Variants in STOX2 observed in about 807,000 individuals in gnomAD.
The protein encoded by STOX2 is storkhead-box protein 2.
In STOX2, 28 loss-of-function variants were observed where a neutral mutation model predicts 60.9. The ratio of observed to expected loss-of-function variants is 0.46; its 90% CI spans 0.34 to 0.63. STOX2 has a LOEUF of 0.63. Among genes scored for constraint, STOX2 ranks in the 30% least tolerant of loss-of-function variants. The pLI is 0.01. For synonymous variants in STOX2, 472 were observed against 463.9 expected (o/e 1.02, Z -0.22); for missense variants, 1,024 against 1,187.7 (o/e 0.86, Z 2.03).
Position 183,858,506 on chromosome 4 carries a change from T to C in STOX2, c.364+60451T>C, listed in dbSNP as rs78614425. Among the ~76,000 whole-genome samples, 1,088 of 152,290 alleles carry C rather than the reference T, an allele frequency of 7.1e-3. 11 individuals are homozygous for C. The highest frequency in any genetic ancestry group is 0.025 in the African/African-American group (1,037 of 41,554). ...TCGTGCACTGTTTCGTATTTATAGA[T>C]GGGGTATTTACTTCCTCAGAGATTT... On this transcript the variant is annotated intron_variant, in intron 1 of 2. Coordinates refer to the STOX2 transcript ENST00000513034.
At chr4:183,832,498 T>C (rs1739593853) in intron 1 of STOX2, among the ~76,000 whole-genome samples, 1 of 146,138 alleles carries the variant, frequency 6.8e-6, no homozygotes, top group East Asian at 2.0e-4. Context: ...TTTTTTTTTT[T>C]TTTTTTTTTT....
chr4:183,915,910 G>A (rs1027713718), intron 1 of STOX2, among the ~76,000 whole-genome samples: 1 of 152,260 alleles, frequency 6.6e-6, no homozygotes, highest in Non-Finnish European at 1.5e-5. Context: ...CCACTGTGCG[G>A]TGCTAGTTCC....
rs60007623 is a variant in STOX2, at chr4:183,926,709, C to T, written c.166+19753C>T. Among the ~76,000 whole-genome samples, 1,133 of 152,188 alleles carry T rather than the reference C, an allele frequency of 7.4e-3. 11 individuals are homozygous for T. Among genetic ancestry groups the T allele is most frequent in the African/African-American group, 0.026 (1,071 of 41,510 alleles). ...CACAATATTGGCTCACTGAAACCTC[C>T]ACCTCCCGGGTTCAAGCAGTTCTCC... On this transcript the variant is annotated intron_variant, in intron 1 of 3. Coordinates refer to ENST00000308497, the MANE Select transcript of STOX2 (RefSeq NM_020225.3).
In STOX2 at chr4:183,908,592, G is replaced by GTTTTTTT. The variant is rs10671305; in HGVS notation, c.166+1650_166+1656dup. 2.3e-4 allele frequency among the ~76,000 whole-genome samples: 29 copies of GTTTTTTT among 126,676 alleles called. 1 individual carries two copies. In the South Asian group the frequency reaches 5.6e-3, roughly 25 times the overall value. The allele number at this position is 126,676 out of a possible 152,430, so 83.1% of individuals were successfully genotyped here. On this transcript the variant is annotated intron_variant, in intron 1 of 3. Transcript: ENST00000308497. ...ATTCAGGCACATTTCCAGGCAGCCA[G>GTTTTTTT]TTTTTTTTTTTTTTTTTTTTAATCT... is the stretch of plus-strand genomic sequence containing the variant.
At chr4:183,996,162 T>C (rs984930206) in intron 1 of STOX2, among the ~76,000 whole-genome samples, 3 of 152,278 alleles carry the variant, frequency 2.0e-5, no homozygotes, top group African/African-American at 4.8e-5. Context: ...TGGTTTTATC[T>C]GAAATAGCCT....
chr4:183,933,598 G>A (rs913007121), intron 1 of STOX2, among the ~76,000 whole-genome samples: 2 of 151,982 alleles, frequency 1.3e-5, no homozygotes, highest in African/African-American at 2.4e-5. Context: ...CATGTTGGCC[G>A]GGCTGGCCTC....
intron 1 of STOX2, among the ~76,000 whole-genome samples, chr4:183,818,421 C>G (rs1214600709): frequency 6.6e-6 from 1 of 152,326 alleles, no homozygotes. Flanking sequence ...GAGGTAAGGT[C>G]ACAGATCAAC....
intron 1 of STOX2, among the ~76,000 whole-genome samples, chr4:183,977,442 A>G (rs957755679): frequency 6.6e-6 from 1 of 152,086 alleles, no homozygotes; most frequent in African/African-American, 2.4e-5. Flanking sequence ...TTGCCTTACT[A>G]GTAATTTCAC....
chr4:183,856,456 C>T lies in STOX2; in HGVS notation c.364+58401C>T, dbSNP rs1013081088. The stretch of plus-strand genomic sequence containing the variant: ...TGTGATTCAACTTACTTGCTAACCT[C>T]GTATTTGACAGGTGAGGGTATTAAT... On this transcript the variant is annotated intron_variant, in intron 1 of 2. Transcript: ENST00000513034. The surrounding 1 kb of genome is among the most constrained non-coding windows in gnomAD (Gnocchi z 4.0). Among the ~76,000 whole-genome samples, 8 of 152,200 alleles carry T rather than the reference C, an allele frequency of 5.3e-5. No individual in the cohort carries two copies. The highest frequency in any genetic ancestry group is 1.4e-4 in the African/African-American group (6 of 41,448).
At chr4:183,886,414 G>A (rs979148293) in intron 1 of STOX2, among the ~76,000 whole-genome samples, 1 of 152,196 alleles carries the variant, frequency 6.6e-6, no homozygotes, top group Non-Finnish European at 1.5e-5. Flanking sequence ...TTTGACAATC[G>A]AATGTTTCTA....
chr4:183,940,910 C>T (rs986530925), intron 1 of STOX2, among the ~76,000 whole-genome samples: 3 of 152,096 alleles, frequency 2.0e-5, no homozygotes, highest in South Asian at 2.1e-4. Context: ...TTGATGAATA[C>T]CGTGTCAAAT....
intron 1 of STOX2, among the ~76,000 whole-genome samples, chr4:183,979,024 G>C (rs1396726717): frequency 1.3e-5 from 2 of 152,148 alleles, no homozygotes; most frequent in Admixed American, 6.5e-5. Flanking sequence ...TTATTATTCT[G>C]TTCTCACATT....
At chr4:183,807,632 C>A (rs1222752601) in intron 1 of STOX2, among the ~76,000 whole-genome samples, 1 of 152,206 alleles carries the variant, frequency 6.6e-6, no homozygotes, top group African/African-American at 2.4e-5. Flanking sequence ...CCACTCCCAG[C>A]TCAGCTTCTT....
intron 1 of STOX2, among the ~76,000 whole-genome samples, chr4:183,818,529 C>G (rs1417855758): frequency 1.3e-5 from 2 of 152,250 alleles, no homozygotes; most frequent in Non-Finnish European, 2.9e-5. Context: ...TCTGATTTCT[C>G]TATCTTTTCC....
chr4:183,954,536 C>T (rs1350619125), intron 1 of STOX2, among the ~76,000 whole-genome samples: 1 of 152,076 alleles, frequency 6.6e-6, no homozygotes, highest in Non-Finnish European at 1.5e-5. Flanking sequence ...GATCCACCCT[C>T]CTCGGCCTCC....
chr4:183,884,044 T>A (rs1158744050), intron 1 of STOX2, among the ~76,000 whole-genome samples: 1 of 151,840 alleles, frequency 6.6e-6, no homozygotes, highest in Non-Finnish European at 1.5e-5. Flanking sequence ...AGTAGAGATG[T>A]GGTTTCACCA....
chr4:183,834,049 C>G (rs1739643175), intron 1 of STOX2, among the ~76,000 whole-genome samples: 1 of 151,416 alleles, frequency 6.6e-6, no homozygotes, highest in South Asian at 2.1e-4. Flanking sequence ...GTGTATTTCT[C>G]CTCCTTAGAG....
At chr4:183,915,768 C>T (rs976829999) in intron 1 of STOX2, among the ~76,000 whole-genome samples, 2 of 152,198 alleles carry the variant, frequency 1.3e-5, no homozygotes, top group Admixed American at 6.5e-5. Context: ...CAGCCACCAC[C>T]GGAGGCCGGG....
rs548638319 is a variant in STOX2 at position 183,837,570 on chromosome 4, T to G, written c.364+39515T>G. ...GCCTCTCGGGTTCAAGTAATTTTCC[T>G]GCCTCAGCCTCCCACGTAGCTGGGA... On this transcript the variant is annotated intron_variant, in intron 1 of 2. Transcript: ENST00000513034. 2.6e-5 allele frequency among the ~76,000 whole-genome samples: 4 copies of G among 152,198 alleles called. No homozygotes were observed. In the East Asian group the frequency reaches 7.7e-4, roughly 29 times the overall value.
Sources: gnomAD v4.1 joint callset for allele counts (sites outside exome capture counted in the v4.1 genomes callset) on GRCh38, gnomAD v4.1.1 for gene constraint, Gnocchi (gnomAD v3.1) non-coding constraint, MANE v1.5 for transcripts, NCBI Gene and HGNC (gene_info 2026-07-23, HGNC 2026-07-21) for gene names.